The following LMNB1 variants were observed in gnomAD, a reference collection of about 807,000 sequenced individuals.
The protein encoded by LMNB1 is lamin-B1.
LMNB1 carries 23 observed loss-of-function variants against 67.1 expected under a neutral mutation model. The ratio of observed to expected loss-of-function variants is 0.34; its 90% CI spans 0.25 to 0.49. LMNB1 has a LOEUF of 0.49. LMNB1 is among the 20% of genes least tolerant of loss of function. LMNB1 has a pLI of 0.99. For missense variants in LMNB1, 634 were observed against 746.5 expected (o/e 0.85, Z 1.76); for synonymous variants, 281 against 282.9 (o/e 0.99, Z 0.07).
intron 1 of LMNB1, among the ~76,000 whole-genome samples, chr5:126,782,928 G>A (rs552635787): frequency 1.2e-4 from 18 of 152,038 alleles, no homozygotes; most frequent in African/African-American, 3.4e-4. Context: ...TTGGCTGGGC[G>A]TGGTGGCTCA....
At chr5:126,823,583 T>C (rs2126731823) in intron 8 of LMNB1, among the ~76,000 whole-genome samples, 1 of 152,368 alleles carries the variant, frequency 6.6e-6, no homozygotes, top group East Asian at 1.9e-4. Flanking sequence ...AAGTCACTCT[T>C]TTCATCCTAA....
At chr5:126,799,183 T>C (rs910251695) in intron 1 of LMNB1, among the ~76,000 whole-genome samples, 1 of 152,056 alleles carries the variant, frequency 6.6e-6, no homozygotes, top group Non-Finnish European at 1.5e-5. Context: ...CTCGCCCGGC[T>C]AATTTTTTGT....
chr5:126,814,702 C>T (rs1032931404), intron 5 of LMNB1, among the ~76,000 whole-genome samples: 1 of 152,144 alleles, frequency 6.6e-6, no homozygotes, highest in Admixed American at 6.5e-5. Flanking sequence ...CCACGCCCAG[C>T]TAATTCTTTG....
At chr5:126,799,756 C>T (rs1358703884) in intron 1 of LMNB1, among the ~76,000 whole-genome samples, 1 of 152,174 alleles carries the variant, frequency 6.6e-6, no homozygotes, top group Non-Finnish European at 1.5e-5. Context: ...CTTTCCGCAC[C>T]GTCTCGAAAC....
intron 3 of LMNB1, among the ~76,000 whole-genome samples, chr5:126,806,006 G>C (rs1033823856): frequency 6.6e-6 from 1 of 152,184 alleles, no homozygotes; most frequent in African/African-American, 2.4e-5. Flanking sequence ...CCAGGCTGGA[G>C]TACAGTGGCA....
intron 5 of LMNB1, among the ~76,000 whole-genome samples, chr5:126,817,473 T>A (rs1212477675): frequency 1.3e-5 from 2 of 152,228 alleles, no homozygotes; most frequent in African/African-American, 4.8e-5. Flanking sequence ...AACCCATGTG[T>A]ATGCACATAT....
chr5:126,776,892 C>G (rs554984153), upstream of LMNB1: 1 of 152,356 alleles, frequency 6.6e-6, no homozygotes, highest in South Asian at 2.1e-4. Flanking sequence ...TGAGCCTGGT[C>G]CGGGAACCGC....
At position 126,810,353 on chromosome 5, in the gene LMNB1, G is replaced by GAGCT; in HGVS notation, c.813+4_813+7dup. The GAGCT allele has an allele frequency of 1.3e-6, 2 of 1,595,950 alleles. No homozygotes were observed. The highest frequency in any genetic ancestry group is 1.7e-6 in the Non-Finnish European group (2 of 1,165,390). ...TGGAGCAGACTTACCATGCCAAAGTGAGCTCTCTTCAGAAGATTCTTTTGA... is the reference window on the plus strand; with the variant it reads ...TGGAGCAGACTTACCATGCCAAAGTGAGCTAGCTCTCTTCAGAAGATTCTTTTGA... On this transcript the variant is annotated splice_donor_region_variant and intron_variant, in intron 4 of 10. Transcript: ENST00000261366.
intron 9 of LMNB1, among the ~76,000 whole-genome samples, chr5:126,828,243 A>G (rs1317419080): frequency 6.6e-6 from 1 of 152,164 alleles, no homozygotes; most frequent in Non-Finnish European, 1.5e-5. Context: ...AAGCACTGTT[A>G]TAAGGGGTAC....
chr5:126,790,527 C>G (rs1750926207), intron 1 of LMNB1, among the ~76,000 whole-genome samples: 1 of 151,956 alleles, frequency 6.6e-6, no homozygotes, highest in Non-Finnish European at 1.5e-5. Context: ...GTTTTTTTTG[C>G]CTATCACACC....
At chr5:126,788,648 G>A (rs762745023) in intron 1 of LMNB1, among the ~76,000 whole-genome samples, 2 of 152,068 alleles carry the variant, frequency 1.3e-5, no homozygotes, top group Non-Finnish European at 2.9e-5. Context: ...GGGACACTTC[G>A]TCCTAAAAGG....
intron 3 of LMNB1, among the ~76,000 whole-genome samples, 163 bp from the exon 4 acceptor site, chr5:126,810,017 A>G (rs1351437780): frequency 7.2e-6 from 1 of 138,826 alleles, no homozygotes; most frequent in African/African-American, 2.6e-5. Flanking sequence ...AAAAACCTCA[A>G]CTGAAAACTA....
At chr5:126,800,971 A>AATTTTT (rs1561742472) in intron 1 of LMNB1, among the ~76,000 whole-genome samples, 1 of 57,828 alleles carries the variant, frequency 1.7e-5, no homozygotes, top group African/African-American at 5.9e-5. Flanking sequence ...ATATATATAT[A>AATTTTT]TATATATATA....
chr5:126,796,643 G>A (rs1751100566), intron 1 of LMNB1, among the ~76,000 whole-genome samples: 1 of 152,146 alleles, frequency 6.6e-6, no homozygotes, highest in Non-Finnish European at 1.5e-5. Context: ...ATGTGTCCCA[G>A]ATACATGGTA....
At chr5:126,813,925 C>T (rs777780025) in intron 5 of LMNB1, among the ~76,000 whole-genome samples, 3 of 151,938 alleles carry the variant, frequency 2.0e-5, no homozygotes, top group Admixed American at 6.6e-5. Flanking sequence ...GACAGAATTT[C>T]GTTCTTGTTG....
In LMNB1 at chr5:126,778,882, G is replaced by A. The variant is rs139506740; in HGVS notation, c.359+1015G>A. On this transcript the variant is annotated intron_variant, in intron 1 of 10. Transcript: ENST00000261366. ...GTTTGTAATTCACCTAAGCGAGTGC[G>A]AGTTTTCATTCCAGTGCACAAGGAT... Among the ~76,000 whole-genome samples the A allele has an allele frequency of 1.3e-4, 20 of 152,304 alleles. No individual in the cohort carries two copies. The East Asian group carries it at 3.7e-3, about 28-fold the overall frequency.
intron 3 of LMNB1, among the ~76,000 whole-genome samples, chr5:126,807,755 C>A (rs1045548282): frequency 6.6e-6 from 1 of 152,130 alleles, no homozygotes; most frequent in Non-Finnish European, 1.5e-5. Context: ...TAAAAAATAG[C>A]ATCAGTAAAA....
At chr5:126,793,134 A>G (rs1205928410) in intron 1 of LMNB1, among the ~76,000 whole-genome samples, 1 of 152,220 alleles carries the variant, frequency 6.6e-6, no homozygotes, top group African/African-American at 2.4e-5. Context: ...AGCAAACTGG[A>G]GAATGGACAT....
intron 5 of LMNB1, among the ~76,000 whole-genome samples, chr5:126,812,292 C>A (rs1043494448): frequency 4.6e-5 from 7 of 152,144 alleles, no homozygotes; most frequent in Non-Finnish European, 1.0e-4. Flanking sequence ...TGCAAAAATT[C>A]TTTGTGGGTG....
Sources: gnomAD v4.1 joint callset for allele counts (sites outside exome capture counted in the v4.1 genomes callset) on GRCh38, gnomAD v4.1.1 for gene constraint, MANE v1.5 for transcripts, NCBI Gene and HGNC (gene_info 2026-07-23, HGNC 2026-07-21) for gene names.